SPG21: variants seen among roughly 807,000 people sequenced by gnomAD.
The protein encoded by SPG21 is maspardin.
Under a neutral mutation model 38.9 loss-of-function variants are expected in SPG21, and 26 were observed. The ratio of observed to expected loss-of-function variants is 0.67; its 90% CI spans 0.49 to 0.93. SPG21 has a LOEUF of 0.93. Among genes scored for constraint, SPG21 ranks in the 40% least tolerant of loss-of-function variants. The pLI, the probability that SPG21 is intolerant of heterozygous loss-of-function variation, is 0.00. For synonymous variants in SPG21, 136 were observed against 128.9 expected (o/e 1.05, Z -0.37); for missense variants, 333 against 376.5 (o/e 0.88, Z 0.96).
rs143858796 is a variant in SPG21, at chr15:64,964,344, A to G, written c.811-608T>C. 8.7e-3 allele frequency among the ~76,000 whole-genome samples: 1,328 copies of G among 152,212 alleles called. 12 individuals are homozygous for G. The highest frequency in any genetic ancestry group is 0.012 in the Non-Finnish European group (816 of 68,016). Reference sequence around the variant, plus strand: ...CCCTTCCCTTCTGCTGCTGTGAGTTAGGTCCTTCCAATCTTCTGCTACTGT... The same window carrying G: ...CCCTTCCCTTCTGCTGCTGTGAGTTGGGTCCTTCCAATCTTCTGCTACTGT... On this transcript the variant is annotated intron_variant, in intron 8 of 8. Transcript: ENST00000204566.
intron 3 of SPG21, among the ~76,000 whole-genome samples, chr15:64,978,530 GT>G (rs1203160195): frequency 2.0e-5 from 3 of 152,162 alleles, no homozygotes; most frequent in African/African-American, 7.2e-5. Context: ...GGTTCATTTT[GT>G]TATTGATGAA....
chr15:64,975,075 G>A (rs562666644), intron 4 of SPG21, among the ~76,000 whole-genome samples: 1 of 152,090 alleles, frequency 6.6e-6, no homozygotes, highest in South Asian at 2.1e-4. Flanking sequence ...AGATCACGAG[G>A]TCAGGAGTTC....
Position 64,983,595 on chromosome 15 carries a change from T to C in SPG21, c.-24-2A>G. 2 of 1,522,660 alleles carry C rather than the reference T, an allele frequency of 1.3e-6. No individual in the cohort carries two copies. Among genetic ancestry groups the C allele is most frequent in the Non-Finnish European group, 1.8e-6 (2 of 1,115,420 alleles). 94.3% of individuals were successfully genotyped at this position (1,522,660 alleles called of 1,614,324 possible). A position where few individuals can be genotyped will look rare whatever the true frequency, so the allele number is the denominator to read the frequency against. ...GATTAGCTGAAATGGAGGTTAATCC[T>C]GAAATAAAAGCATGTGATATTTCAC... On this transcript the variant is annotated splice_acceptor_variant, in intron 1 of 8. Coordinates refer to ENST00000204566, the MANE Select transcript of SPG21 (RefSeq NM_016630.7). LOFTEE classifies it low-confidence loss of function (5UTR_SPLICE).
intron 7 of SPG21, among the ~76,000 whole-genome samples, chr15:64,967,049 A>G (rs2085553270): frequency 6.6e-6 from 1 of 152,124 alleles, no homozygotes; most frequent in Non-Finnish European, 1.5e-5. Flanking sequence ...GATAAGTATC[A>G]ACCAAAAAAC....
chr15:64,983,309 C>T (rs1344553468), intron 2 of SPG21, 198 bp downstream of exon 2: 1 of 425,472 alleles, frequency 2.4e-6, no homozygotes, highest in Admixed American at 3.9e-5. Context: ...TACAGTTACA[C>T]TTGCTTTCAC....
Position 64,963,806 on chromosome 15 carries a change from G to A in SPG21, c.811-70C>T, listed in dbSNP as rs995960078. On this transcript the variant is annotated intron_variant, in intron 8 of 8. Coordinates refer to ENST00000204566, the MANE Select transcript of SPG21 (RefSeq NM_016630.7). ...AGTGTCACTCTTGTTGCCCAGGCTG[G>A]AGTGCAGTGGCACTATCTTGGTTCA... 7 of 1,391,626 alleles carry A rather than the reference G, an allele frequency of 5.0e-6. No homozygotes were observed. In the African/African-American group the frequency reaches 9.9e-5, roughly 20 times the overall value. 86.2% of individuals were successfully genotyped at this position (1,391,626 alleles called of 1,614,324 possible). A position where few individuals can be genotyped will look rare whatever the true frequency, so the allele number is the denominator to read the frequency against.
At position 64,969,353 on chromosome 15, in the gene SPG21, A is replaced by G; in HGVS notation, c.571T>C (p.Leu191=). 6.2e-7 allele frequency: 1 copy of G among 1,612,368 alleles called. No individual in the cohort carries two copies. Among genetic ancestry groups the G allele is most frequent in the East Asian group, 2.2e-5 (1 of 44,862 alleles). Residue 191 remains leucine (L), a synonymous_variant, in exon 7 of 9, where the codon TTG becomes CTG. Transcript: ENST00000204566. Reference sequence around the variant, plus strand: ...CTTGAAGCCAGTTCACTCTGACCCAAACTTTCTAGCTGCAGGAAGAAACAC... The same window carrying G: ...CTTGAAGCCAGTTCACTCTGACCCAGACTTTCTAGCTGCAGGAAGAAACAC... ...IDFMVDRLES[L]GQSELASRLT...
chr15:64,970,035 A>C (rs2085629826), intron 6 of SPG21, 79 bp downstream of exon 6: 3 of 1,139,630 alleles, frequency 2.6e-6, no homozygotes, highest in Middle Eastern at 1.9e-4. Context: ...TACTTGTGAG[A>C]CAGATCTATC....
intron 5 of SPG21, among the ~76,000 whole-genome samples, chr15:64,971,654 G>A (rs2085666962): frequency 6.6e-6 from 1 of 152,010 alleles, no homozygotes; most frequent in African/African-American, 2.4e-5. Context: ...TGGCCAAGAT[G>A]GTGAAACCCC....
intron 6 of SPG21, 85 bp downstream of exon 6, chr15:64,970,029 T>G (rs1337443347): frequency 9.0e-7 from 1 of 1,107,034 alleles, no homozygotes; most frequent in African/African-American, 1.5e-5. Flanking sequence ...TACACATACT[T>G]GTGAGACAGA....
chr15:64,975,062 G>C (rs1376193156), intron 4 of SPG21, among the ~76,000 whole-genome samples: 1 of 152,056 alleles, frequency 6.6e-6, no homozygotes, highest in Admixed American at 6.6e-5. Context: ...GGCCGAGGCA[G>C]GCAGATCACG....
At chr15:64,980,765 A>T (rs1346149909) in intron 3 of SPG21, 99 bp downstream of exon 3, 4 of 1,363,954 alleles carry the variant, frequency 2.9e-6, no homozygotes, top group Non-Finnish European at 4.1e-6. Flanking sequence ...ACAAACAAAC[A>T]AACAAACTGT....
chr15:64,983,844 G>A (rs573713200), intron 1 of SPG21, among the ~76,000 whole-genome samples: 41 of 150,724 alleles, frequency 2.7e-4, no homozygotes, highest in Admixed American at 7.3e-4. Flanking sequence ...GTGCAGTGGC[G>A]TGATCTCAGC....
chr15:64,974,240 G>A (rs982738479), intron 5 of SPG21, among the ~76,000 whole-genome samples: 2 of 152,214 alleles, frequency 1.3e-5, no homozygotes, highest in African/African-American at 4.8e-5. Context: ...GCCAAGGTGG[G>A]CAGATGGCTT....
At chr15:64,984,752 C>T (rs375668261) in intron 1 of SPG21, among the ~76,000 whole-genome samples, 2 of 140,254 alleles carry the variant, frequency 1.4e-5, no homozygotes, top group African/African-American at 2.6e-5. Context: ...ATGTAGTTCC[C>T]TTTTTTTTTT....
At chr15:64,964,679 G>A (rs1179212151) in intron 8 of SPG21, among the ~76,000 whole-genome samples, 1 of 152,004 alleles carries the variant, frequency 6.6e-6, no homozygotes, top group Non-Finnish European at 1.5e-5. Context: ...TGCCCAGGCT[G>A]GAGTGCAATG....
chr15:64,976,940 G>C (rs1197589735), intron 3 of SPG21, among the ~76,000 whole-genome samples: 1 of 152,178 alleles, frequency 6.6e-6, no homozygotes, highest in Non-Finnish European at 1.5e-5. Context: ...AGGAGAGATG[G>C]AAACAAAATT....
intron 3 of SPG21, among the ~76,000 whole-genome samples, chr15:64,978,460 A>G (rs904461602): frequency 1.3e-5 from 2 of 151,958 alleles, no homozygotes; most frequent in Non-Finnish European, 2.9e-5. Context: ...AAAAACAAAA[A>G]CAAAAACAAA....
intron 7 of SPG21, 65 bp downstream of exon 7, chr15:64,969,190 A>C: frequency 1.8e-6 from 2 of 1,124,420 alleles, no homozygotes; most frequent in Non-Finnish European, 2.7e-6. Context: ...AAATAGTTTT[A>C]TAGGAGATCT....
Sources: allele counts gnomAD v4.1 joint callset (sites outside exome capture counted in the v4.1 genomes callset), GRCh38; gene constraint gnomAD v4.1.1; transcripts MANE v1.5; gene names NCBI Gene and HGNC (gene_info 2026-07-23, HGNC 2026-07-21).